CDH20: variants seen among roughly 807,000 people sequenced by gnomAD.
CDH20 encodes the protein cadherin-20.
In CDH20, 29 loss-of-function variants were observed where a neutral mutation model predicts 74.2. The observed-to-expected ratio is 0.39, with a 90% CI of 0.29 to 0.53. The LOEUF is 0.53. CDH20 is among the 20% of genes least tolerant of loss of function. CDH20 has a pLI of 0.69. For synonymous variants in CDH20, 469 were observed against 405.4 expected (o/e 1.16, Z -1.88); for missense variants, 988 against 1,048.3 (o/e 0.94, Z 0.79).
chr18:61,506,340 C>T (rs950344127), intron 5 of CDH20, among the ~76,000 whole-genome samples: 2 of 152,186 alleles, frequency 1.3e-5, no homozygotes, highest in Non-Finnish European at 1.5e-5. Context: ...GATTTCCTGG[C>T]TCATGTTTGT....
chr18:61,343,626 A>G lies in CDH20; in HGVS notation c.-153+9799A>G, dbSNP rs568083051. On this transcript the variant is annotated intron_variant, in intron 1 of 11. Coordinates refer to ENST00000262717, the MANE Select transcript of CDH20 (RefSeq NM_031891.4). The stretch of plus-strand genomic sequence containing the variant: ...CACACTGTACCTGAGCTGTGTAGAA[A>G]GTAGCCACTGGCCAGGAAAGGGCTC... Among the ~76,000 whole-genome samples the G allele has an allele frequency of 3.9e-5, 6 of 152,308 alleles. No homozygotes were observed. The East Asian group carries it at 1.2e-3, about 29-fold the overall frequency.
intron 2 of CDH20, among the ~76,000 whole-genome samples, chr18:61,495,624 A>G (rs1452964827): frequency 1.3e-5 from 2 of 152,158 alleles, no homozygotes. Flanking sequence ...CCCCAGCCCA[A>G]GGAGCAGCAC....
At chr18:61,491,789 C>A (rs1910968180) in intron 2 of CDH20, among the ~76,000 whole-genome samples, 1 of 152,046 alleles carries the variant, frequency 6.6e-6, no homozygotes, top group South Asian at 2.1e-4. Flanking sequence ...CCCAATCACA[C>A]CTCCCAGTCA....
intron 1 of CDH20, among the ~76,000 whole-genome samples, chr18:61,352,549 CCG>C: frequency 6.6e-6 from 1 of 152,296 alleles, no homozygotes; most frequent in Middle Eastern, 3.4e-3. Context: ...ACCTGGATCA[CCG>C]TATCATGTCT....
In CDH20 at chr18:61,499,235, C is replaced by T. The variant is rs372359014; in HGVS notation, c.296C>T (p.Ser99Leu). 231 of 1,611,036 alleles carry T rather than the reference C, an allele frequency of 1.4e-4. No homozygotes were observed. Among genetic ancestry groups the T allele is most frequent in the Non-Finnish European group, 1.9e-4 (222 of 1,178,184 alleles). The change falls in exon 3 of 12, where the codon TCG becomes TTG. Residue 99 changes from serine (S) to leucine (L), a missense_variant. Physicochemically the swap from Ser to Leu is moderately radical, Grantham distance 145. This residue lies in a region of CDH20 where 613 missense variants were observed against 755.2 expected (regional missense o/e 0.81). Coordinates refer to ENST00000262717, the MANE Select transcript of CDH20 (RefSeq NM_031891.4). Reference protein sequence around the residue: ...RGDGSIKYILSGEGAGIVFTI... With the variant: ...RGDGSIKYILLGEGAGIVFTI... ...GACGGATCCATCAAATACATCCTCT[C>T]GGGAGAAGGTGCTGGCATCGTGTTT...
intron 1 of CDH20, among the ~76,000 whole-genome samples, chr18:61,456,149 C>A (rs1432560474): frequency 6.6e-6 from 1 of 152,166 alleles, no homozygotes; most frequent in Non-Finnish European, 1.5e-5. Flanking sequence ...GGTTTGGGTG[C>A]CCCCATTCCT....
intron 6 of CDH20, among the ~76,000 whole-genome samples, chr18:61,514,637 A>G (rs1399295790): frequency 3.4e-5 from 5 of 149,116 alleles, no homozygotes; most frequent in Admixed American, 6.7e-5. Flanking sequence ...GGTTTTATCT[A>G]CTTTTGGTCT....
At chr18:61,440,109 C>T (rs767016362) in intron 1 of CDH20, among the ~76,000 whole-genome samples, 20 of 152,156 alleles carry the variant, frequency 1.3e-4, no homozygotes, top group Non-Finnish European at 2.1e-4. Context: ...TTCCTTAATA[C>T]AGTTACACCT....
chr18:61,462,203 G>A (rs1474050884), intron 1 of CDH20, among the ~76,000 whole-genome samples: 1 of 152,164 alleles, frequency 6.6e-6, no homozygotes, highest in East Asian at 1.9e-4. Flanking sequence ...TTAAAAAGAA[G>A]AAGACTGTGA....
intron 6 of CDH20, among the ~76,000 whole-genome samples, chr18:61,522,885 C>T (rs1175112853): frequency 1.3e-5 from 2 of 152,130 alleles, no homozygotes; most frequent in East Asian, 1.9e-4. Flanking sequence ...AAACTGGACC[C>T]CTTCCTTATG....
At chr18:61,483,052 C>A (rs1376820844) in intron 1 of CDH20, among the ~76,000 whole-genome samples, 1 of 152,122 alleles carries the variant, frequency 6.6e-6, no homozygotes, top group African/African-American at 2.4e-5. Flanking sequence ...ACTGGGAATG[C>A]CCTTTTATTT....
At chr18:61,376,395 T>C (rs1911233406) in intron 1 of CDH20, among the ~76,000 whole-genome samples, 1 of 152,160 alleles carries the variant, frequency 6.6e-6, no homozygotes, top group Non-Finnish European at 1.5e-5. Flanking sequence ...TCCAAACTAC[T>C]AGTAGTACTG....
chr18:61,507,814 A>G (rs575007368), intron 6 of CDH20, among the ~76,000 whole-genome samples: 2 of 152,210 alleles, frequency 1.3e-5, no homozygotes, highest in South Asian at 4.1e-4. Flanking sequence ...ATTTCTAAAT[A>G]CATTCCTTCT....
At chr18:61,500,549 T>C (rs887923707) in intron 4 of CDH20, 47 bp downstream of exon 4, 1 of 1,575,314 alleles carries the variant, frequency 6.3e-7, no homozygotes, top group Non-Finnish European at 8.6e-7. Flanking sequence ...CCCTGATAAT[T>C]TATAACTGCT....
rs564652135 is a variant in CDH20 at position 61,554,732 on chromosome 18, C to G, written c.*37C>G. ...AGGCAGGCGCGCGTCCAAATCCAGACGTTCTCCGCGGGTGCTTCGCGGACA... is the reference window on the plus strand; with the variant it reads ...AGGCAGGCGCGCGTCCAAATCCAGAGGTTCTCCGCGGGTGCTTCGCGGACA... On this transcript the variant is annotated 3_prime_UTR_variant, in exon 12 of 12. Coordinates refer to ENST00000262717, the MANE Select transcript of CDH20 (RefSeq NM_031891.4). 1.1e-5 allele frequency: 17 copies of G among 1,500,642 alleles called. No individual in the cohort carries two copies. In the South Asian group the frequency reaches 2.2e-4, roughly 19 times the overall value. The allele number at this position is 1,500,642 out of a possible 1,614,324, so 93.0% of individuals were successfully genotyped here. A position where few individuals can be genotyped will look rare whatever the true frequency, so the allele number is the denominator to read the frequency against.
intron 1 of CDH20, among the ~76,000 whole-genome samples, chr18:61,447,238 G>T (rs1909231153): frequency 1.3e-5 from 2 of 152,168 alleles, no homozygotes; most frequent in Non-Finnish European, 2.9e-5. Flanking sequence ...GATGCCTGTG[G>T]GAATCCAAAG....
In CDH20 at chr18:61,539,026, A is replaced by G; in HGVS notation, c.1411A>G (p.Asn471Asp). The part of the protein sequence containing the change: ...NITVLAMEMN[N>D]PSQVGSVPVT... ...GGTTTTCCTTGTGTTCCCTTTAGAC[A>G]ATCCCTCCCAGGTTGGAAGTGTTCC... is the stretch of plus-strand genomic sequence containing the variant. The change falls in exon 9 of 12, where the codon AAT (asparagine) becomes GAT (aspartate). Residue 471 changes from asparagine to aspartate, a missense_variant and splice_region_variant. Coordinates refer to ENST00000262717, the MANE Select transcript of CDH20 (RefSeq NM_031891.4). The G allele has an allele frequency of 1.2e-6, 2 of 1,613,822 alleles. No homozygotes were observed. Among genetic ancestry groups the G allele is most frequent in the Admixed American group, 3.3e-5 (2 of 59,988 alleles).
At chr18:61,399,407 G>T (rs1912087395) in intron 1 of CDH20, among the ~76,000 whole-genome samples, 1 of 152,118 alleles carries the variant, frequency 6.6e-6, no homozygotes, top group South Asian at 2.1e-4. Flanking sequence ...CACATAGCTA[G>T]AAGGCCACAT....
chr18:61,482,622 A>G (rs1237805184), intron 1 of CDH20, among the ~76,000 whole-genome samples: 2 of 149,162 alleles, frequency 1.3e-5, no homozygotes, highest in Non-Finnish European at 3.0e-5. Flanking sequence ...GCCATTGCCC[A>G]CATATATTAG....
Sources: gnomAD v4.1 joint callset for allele counts (sites outside exome capture counted in the v4.1 genomes callset) on GRCh38, gnomAD v4.1.1 for gene constraint, gnomAD v4.1.1 regional missense constraint, MANE v1.5 for transcripts, NCBI Gene and HGNC (gene_info 2026-07-23, HGNC 2026-07-21) for gene names.